The following SORCS3 variants were observed in gnomAD, a reference collection of about 807,000 sequenced individuals.
The protein encoded by SORCS3 is sortilin related VPS10 domain containing receptor 3, also known as VPS10 domain-containing receptor SorCS3.
A neutral mutation model predicts 146.3 loss-of-function variants in SORCS3; 57 were observed. The ratio of observed to expected loss-of-function variants is 0.39; its 90% CI spans 0.31 to 0.49. The LOEUF is 0.49. Among genes scored for constraint, SORCS3 ranks in the 20% least tolerant of loss-of-function variants. The probability of loss-of-function intolerance (pLI) is 0.92; values close to 1 mark genes in which losing one functional copy is unlikely to be tolerated. For missense variants in SORCS3, 1,341 were observed against 1,575.5 expected (o/e 0.85, Z 2.52); for synonymous variants, 653 against 618.5 (o/e 1.06, Z -0.83).
chr10:105,094,309 A>G (rs139779561), intron 6 of SORCS3, among the ~76,000 whole-genome samples: 3,267 of 152,274 alleles, frequency 0.021, 110 homozygotes, highest in African/African-American at 0.074. Flanking sequence ...TATCTGTTCA[A>G]ACTTACAGAA....
At chr10:105,078,799 T>A (rs1237841963) in intron 5 of SORCS3, among the ~76,000 whole-genome samples, 2 of 152,116 alleles carry the variant, frequency 1.3e-5, no homozygotes, top group African/African-American at 4.8e-5. Context: ...GATGAAAAAA[T>A]TTGAGGCATA....
chr10:104,643,878 C>A (rs1346424039), intron 1 of SORCS3, among the ~76,000 whole-genome samples: 1 of 152,116 alleles, frequency 6.6e-6, no homozygotes, highest in Non-Finnish European at 1.5e-5. Context: ...AATATAAATT[C>A]ACCCTCCCTG....
At chr10:105,063,668 T>C (rs972890761) in intron 5 of SORCS3, among the ~76,000 whole-genome samples, 1 of 152,186 alleles carries the variant, frequency 6.6e-6, no homozygotes, top group African/African-American at 2.4e-5. Context: ...CAATAATTGT[T>C]TGGGCCTTGC....
chr10:105,238,062 C>T (rs1217310105), intron 20 of SORCS3, among the ~76,000 whole-genome samples: 1 of 152,104 alleles, frequency 6.6e-6, no homozygotes, highest in African/African-American at 2.4e-5. Context: ...AATAAGAAAG[C>T]ACAATGAGCA....
chr10:104,852,105 G>A (rs551482233), intron 2 of SORCS3, among the ~76,000 whole-genome samples: 14 of 152,284 alleles, frequency 9.2e-5, no homozygotes, highest in Non-Finnish European at 1.5e-4. Context: ...CCCCTTCACT[G>A]CTATTATTCT....
intron 4 of SORCS3, among the ~76,000 whole-genome samples, chr10:105,028,152 G>A (rs1180890699): frequency 6.6e-6 from 1 of 152,106 alleles, no homozygotes; most frequent in Non-Finnish European, 1.5e-5. Context: ...ATATAAGTAG[G>A]TTTTCTTATT....
intron 4 of SORCS3, among the ~76,000 whole-genome samples, chr10:104,977,805 C>T (rs1197512727): frequency 6.9e-6 from 1 of 145,770 alleles, no homozygotes; most frequent in East Asian, 2.0e-4. Flanking sequence ...GATCTTGGCT[C>T]ACTGTAACCT....
At chr10:104,694,299 G>A (rs1430358242) in intron 1 of SORCS3, among the ~76,000 whole-genome samples, 1 of 151,698 alleles carries the variant, frequency 6.6e-6, no homozygotes, top group Non-Finnish European at 1.5e-5. Context: ...GTTTGGGGAA[G>A]TGACAGGGTA....
At chr10:104,835,974 C>A (rs2491385) in intron 1 of SORCS3, among the ~76,000 whole-genome samples, 32,556 of 152,112 alleles carry the variant, frequency 0.21, 4,758 homozygotes, top group African/African-American at 0.42. Context: ...GCAAACATAC[C>A]TGAGTTGTTC....
chr10:104,751,923 G>GAATATA lies in SORCS3; in HGVS notation c.628-90869_628-90868insAATATA, dbSNP rs1564675362. Among the ~76,000 whole-genome samples, 124 of 21,742 alleles carry GAATATA rather than the reference G, an allele frequency of 5.7e-3. 4 individuals carry two copies. The highest frequency in any genetic ancestry group is 0.071 in the Middle Eastern group (2 of 28). 14.3% of individuals were successfully genotyped at this position (21,742 alleles called of 152,430 possible). A position where few individuals can be genotyped will look rare whatever the true frequency, so the allele number is the denominator to read the frequency against. Reference sequence around the variant, plus strand: ...TAAAAAATGTAAATGCTAATAGGAAGCATATATATATATATATATATATAT... The same window carrying GAATATA: ...TAAAAAATGTAAATGCTAATAGGAAGAATATACATATATATATATATATATATATAT... On this transcript the variant is annotated intron_variant, in intron 1 of 26. Coordinates refer to ENST00000369701, the MANE Select transcript of SORCS3 (RefSeq NM_014978.3).
rs565639447 is a variant in SORCS3, at chr10:104,957,861, G to A, written c.796-19474G>A. On this transcript the variant is annotated intron_variant, in intron 3 of 26. Transcript: ENST00000369701. ...CTACCTTGGTCCCCTCCTCTTCTGCGTCACGTTGAGAAGGGAAGCAAAACC... is the reference window on the plus strand; with the variant it reads ...CTACCTTGGTCCCCTCCTCTTCTGCATCACGTTGAGAAGGGAAGCAAAACC... Among the ~76,000 whole-genome samples the A allele has an allele frequency of 1.2e-4, 18 of 152,076 alleles. No homozygotes were observed. In the East Asian group the frequency reaches 1.7e-3, roughly 15 times the overall value.
chr10:104,704,944 G>A (rs1219779477), intron 1 of SORCS3, among the ~76,000 whole-genome samples: 1 of 152,048 alleles, frequency 6.6e-6, no homozygotes, highest in African/African-American at 2.4e-5. Context: ...CCTTCCTGGA[G>A]GTTTTCTTCT....
intron 14 of SORCS3, among the ~76,000 whole-genome samples, chr10:105,185,216 T>C (rs921120141): frequency 3.3e-5 from 5 of 152,194 alleles, no homozygotes; most frequent in African/African-American, 9.6e-5. Flanking sequence ...TCTCACCTCT[T>C]TCAGGAAGCC....
At chr10:104,822,763 G>C (rs920009997) in intron 1 of SORCS3, among the ~76,000 whole-genome samples, 1 of 152,154 alleles carries the variant, frequency 6.6e-6, no homozygotes, top group Admixed American at 6.5e-5. Context: ...GCACTTTCCT[G>C]CTTGAATGAA....
At chr10:104,845,407 A>G (rs886473628) in intron 2 of SORCS3, among the ~76,000 whole-genome samples, 3 of 152,256 alleles carry the variant, frequency 2.0e-5, no homozygotes, top group African/African-American at 7.2e-5. Flanking sequence ...CTTAGTGAAT[A>G]AATTAATGAA....
intron 2 of SORCS3, among the ~76,000 whole-genome samples, chr10:104,911,793 G>A (rs2018971498): frequency 6.6e-6 from 1 of 152,074 alleles, no homozygotes; most frequent in Non-Finnish European, 1.5e-5. Context: ...CCCTGCTTGG[G>A]CATGTTCTCA....
intron 4 of SORCS3, among the ~76,000 whole-genome samples, chr10:104,983,416 T>C (rs1831503714): frequency 6.6e-6 from 1 of 152,214 alleles, no homozygotes; most frequent in African/African-American, 2.4e-5. Flanking sequence ...TCACATTTGC[T>C]GAAATGGAAG....
At chr10:105,126,052 G>C (rs949184853) in intron 7 of SORCS3, among the ~76,000 whole-genome samples, 4 of 152,090 alleles carry the variant, frequency 2.6e-5, no homozygotes, top group Admixed American at 6.5e-5. Flanking sequence ...TGGTAGCTCA[G>C]CTATAACTCT....
intron 5 of SORCS3, among the ~76,000 whole-genome samples, chr10:105,086,849 G>T (rs543649556): frequency 6.6e-6 from 1 of 152,234 alleles, no homozygotes; most frequent in South Asian, 2.1e-4. Context: ...TTTTTCTCCC[G>T]TTCTGTAGGT....
Sources: allele counts gnomAD v4.1 joint callset (sites outside exome capture counted in the v4.1 genomes callset), GRCh38; gene constraint gnomAD v4.1.1; transcripts MANE v1.5; gene names NCBI Gene and HGNC (gene_info 2026-07-23, HGNC 2026-07-21).